The following RGS7 variants were observed in gnomAD, a reference collection of about 807,000 sequenced individuals.
RGS7 encodes the protein regulator of G-protein signaling 7.
In RGS7, 27 loss-of-function variants were observed where a neutral mutation model predicts 81.1. The ratio of observed to expected loss-of-function variants is 0.33; its 90% CI spans 0.25 to 0.46. The LOEUF (loss-of-function observed/expected upper bound fraction) is 0.46, where lower values mean the gene tolerates loss of function less well. Ranked by LOEUF, RGS7 falls within the 20% of genes least tolerant of loss-of-function variation. The pLI is 1.00. For missense variants in RGS7, 396 were observed against 607.4 expected (o/e 0.65, Z 3.66); for synonymous variants, 208 against 207.7 (o/e 1.00, Z -0.01).
At chr1:241,140,974 G>A (rs2067881267) in intron 2 of RGS7, among the ~76,000 whole-genome samples, 1 of 152,072 alleles carries the variant, frequency 6.6e-6, no homozygotes, top group Non-Finnish European at 1.5e-5. Context: ...ACCTTGCTTT[G>A]TACTCACTTG....
chr1:241,086,175 T>A (rs925228976), intron 3 of RGS7, among the ~76,000 whole-genome samples: 1 of 152,214 alleles, frequency 6.6e-6, no homozygotes, highest in Non-Finnish European at 1.5e-5. Context: ...GACCTGTATA[T>A]CCAACAGTTT....
intron 3 of RGS7, among the ~76,000 whole-genome samples, chr1:241,055,195 C>G (rs1042309889): frequency 7.9e-5 from 12 of 152,204 alleles, no homozygotes; most frequent in Non-Finnish European, 1.5e-4. Flanking sequence ...AGTTGGATGT[C>G]CTTTCAATTC....
intron 2 of RGS7, among the ~76,000 whole-genome samples, chr1:241,122,806 T>C (rs2066382234): frequency 1.3e-5 from 2 of 152,194 alleles, no homozygotes; most frequent in South Asian, 4.1e-4. Flanking sequence ...TAATAAAGTG[T>C]TGAATGTCCC....
At chr1:241,142,680 G>C (rs2068019368) in intron 2 of RGS7, among the ~76,000 whole-genome samples, 1 of 152,230 alleles carries the variant, frequency 6.6e-6, no homozygotes, top group African/African-American at 2.4e-5. Flanking sequence ...CTCCAGGCCT[G>C]TGATGGGAAG....
At chr1:241,029,213 C>A (rs1558619515) in intron 3 of RGS7, among the ~76,000 whole-genome samples, 1 of 151,878 alleles carries the variant, frequency 6.6e-6, no homozygotes, top group Non-Finnish European at 1.5e-5. Flanking sequence ...ACAAAATTAC[C>A]ATGGGGGGAG....
At chr1:241,036,886 C>G (rs1231776780) in intron 3 of RGS7, among the ~76,000 whole-genome samples, 3 of 152,086 alleles carry the variant, frequency 2.0e-5, no homozygotes, top group Non-Finnish European at 4.4e-5. Flanking sequence ...GTTATTTTTG[C>G]CTGTTGCACT....
chr1:241,111,278 C>G (rs1366030402), intron 2 of RGS7, among the ~76,000 whole-genome samples: 2 of 152,142 alleles, frequency 1.3e-5, no homozygotes, highest in Non-Finnish European at 2.9e-5. Context: ...TTGCCTCATT[C>G]AAGCTCAAAA....
intron 6 of RGS7, among the ~76,000 whole-genome samples, chr1:240,919,471 A>T (rs769182952): frequency 6.6e-6 from 1 of 152,198 alleles, no homozygotes; most frequent in Non-Finnish European, 1.5e-5. Context: ...CTAAAGAAAA[A>T]TCATGCAATC....
At chr1:240,879,762 C>T (rs1666070518) in intron 6 of RGS7, among the ~76,000 whole-genome samples, 1 of 152,196 alleles carries the variant, frequency 6.6e-6, no homozygotes, top group Non-Finnish European at 1.5e-5. Flanking sequence ...GAGAAATTAG[C>T]ATATCTTCAC....
intron 2 of RGS7, among the ~76,000 whole-genome samples, chr1:241,230,589 G>C (rs572250779): frequency 5.9e-5 from 9 of 152,346 alleles, no homozygotes; most frequent in Middle Eastern, 6.8e-3. Flanking sequence ...AGCCCACTTT[G>C]ACTCACAGTT....
chr1:240,996,404 G>A (rs1235306531), intron 3 of RGS7, among the ~76,000 whole-genome samples: 1 of 152,150 alleles, frequency 6.6e-6, no homozygotes, highest in Non-Finnish European at 1.5e-5. Flanking sequence ...GAGTGTTAAA[G>A]TCTCAGCTCT....
chr1:240,811,969 C>T lies in RGS7; in HGVS notation c.1031G>A (p.Arg344Lys), dbSNP rs1689923081. 1 of 1,613,864 alleles carries T rather than the reference C, an allele frequency of 6.2e-7. No homozygotes were observed. The highest frequency in any genetic ancestry group is 8.5e-7 in the Non-Finnish European group (1 of 1,179,736). The stretch of plus-strand genomic sequence containing the variant: ...CTCTAGAAATTTAAGGAACTGTTCT[C>T]TCCCAACTGGGTCTTTCAATGCCTC... Reference protein sequence around the residue: ...MDEALKDPVGREQFLKFLESE... With the variant: ...MDEALKDPVGKEQFLKFLESE... Residue 344 changes from arginine (R) to lysine (K), a missense_variant, in exon 14 of 19, where the codon AGA (arginine) becomes AAA (lysine). Arg to Lys is a conservative substitution (Grantham distance 26). Transcript: ENST00000440928.
At chr1:241,091,899 CA>C (rs1277404703) in intron 3 of RGS7, among the ~76,000 whole-genome samples, 1 of 151,686 alleles carries the variant, frequency 6.6e-6, no homozygotes, top group Admixed American at 6.6e-5. Context: ...ACAAACAAAC[CA>C]AAAAACCAAC....
At chr1:240,949,762 G>C (rs776144936) in intron 4 of RGS7, among the ~76,000 whole-genome samples, 12 of 150,446 alleles carry the variant, frequency 8.0e-5, no homozygotes, top group Admixed American at 1.3e-4. Flanking sequence ...GCAGGAGAAT[G>C]GCTTGAACCC....
chr1:241,128,857 T>A (rs1011728139), intron 2 of RGS7, among the ~76,000 whole-genome samples: 4 of 151,204 alleles, frequency 2.6e-5, no homozygotes, highest in Non-Finnish European at 5.9e-5. Flanking sequence ...CTTAAGATAT[T>A]TTAGCTTTGG....
chr1:241,011,262 TG>T (rs1482489925), intron 3 of RGS7, among the ~76,000 whole-genome samples: 9 of 152,162 alleles, frequency 5.9e-5, no homozygotes, highest in South Asian at 2.1e-4. Flanking sequence ...TCTTCCAGGA[TG>T]GGCTTGGGGA....
intron 3 of RGS7, among the ~76,000 whole-genome samples, chr1:241,030,014 G>A (rs993121856): frequency 3.3e-5 from 5 of 152,194 alleles, no homozygotes; most frequent in African/African-American, 7.2e-5. Context: ...CTAGAATGAC[G>A]CACAACACAT....
intron 10 of RGS7, among the ~76,000 whole-genome samples, chr1:240,819,516 A>G (rs1225582311): frequency 6.6e-6 from 1 of 152,142 alleles, no homozygotes; most frequent in Non-Finnish European, 1.5e-5. Context: ...TGAGGCAGGC[A>G]TATCATGAGA....
In RGS7 at chr1:241,068,238, G is replaced by GTA. The variant is rs1553407877; in HGVS notation, c.175+30426_175+30427dup. Among the ~76,000 whole-genome samples the GTA allele has an allele frequency of 3.4e-4, 12 of 35,658 alleles. 1 individual carries two copies. The highest frequency in any genetic ancestry group is 1.0e-3 in the African/African-American group (11 of 10,490). The allele number at this position is 35,658 out of a possible 152,430, so 23.4% of individuals were successfully genotyped here. A position where few individuals can be genotyped will look rare whatever the true frequency, so the allele number is the denominator to read the frequency against. ...CTATCCATAAATTGTGTGTGTGTGTGTATATATATATATATATATAAAATA... is the reference window on the plus strand; with the variant it reads ...CTATCCATAAATTGTGTGTGTGTGTGTATATATATATATATATATATAAAATA... On this transcript the variant is annotated intron_variant, in intron 3 of 18. Transcript: ENST00000440928.
Sources: gnomAD v4.1 joint callset for allele counts (sites outside exome capture counted in the v4.1 genomes callset) on GRCh38, gnomAD v4.1.1 for gene constraint, MANE v1.5 for transcripts, NCBI Gene and HGNC (gene_info 2026-07-23, HGNC 2026-07-21) for gene names.